The following NBAS variants were observed in gnomAD, a reference collection of about 807,000 sequenced individuals.
NBAS encodes the protein NBAS subunit of NRZ tethering complex, also known as NAG/BC035112 fusion.
A neutral mutation model predicts 302.5 loss-of-function variants in NBAS; 219 were observed. That is an observed-to-expected ratio of 0.72 (90% CI 0.65 to 0.81). The LOEUF is 0.81. Among genes scored for constraint, NBAS ranks in the 30% least tolerant of loss-of-function variants. The pLI, the probability that NBAS is intolerant of heterozygous loss-of-function variation, is 0.00. For synonymous variants in NBAS, 1,118 were observed against 1,021.6 expected, an observed-to-expected ratio of 1.09 and a Z score of -1.80; for missense variants, 2,932 against 2,841.6, an observed-to-expected ratio of 1.03 and a Z score of -0.72.
chr2:15,473,171 G>A (rs771626345), intron 16 of NBAS, 51 bp downstream of exon 16: 1 of 1,593,838 alleles, frequency 6.3e-7, no homozygotes, highest in East Asian at 2.2e-5. Flanking sequence ...ATAAACAAAA[G>A]ATATTACATG....
the NBAS span, among the ~76,000 whole-genome samples, chr2:14,957,174 T>C: frequency 1.3e-5 from 2 of 152,100 alleles, no homozygotes; most frequent in Non-Finnish European, 2.9e-5. Context: ...CACTTTGACC[T>C]CAGACTTCTC....
At chr2:14,986,679 T>A in the NBAS span, among the ~76,000 whole-genome samples, 12 of 152,308 alleles carry the variant, frequency 7.9e-5, no homozygotes, top group African/African-American at 2.9e-4. Flanking sequence ...GAAGTTTATT[T>A]ACTTGAACTT....
the NBAS span, among the ~76,000 whole-genome samples, chr2:14,797,325 C>T: frequency 1.1e-4 from 16 of 152,104 alleles, no homozygotes; most frequent in Admixed American, 7.9e-4. Context: ...TGCGACCTGC[C>T]GAATGATAGG....
At chr2:14,872,588 C>A in the NBAS span, among the ~76,000 whole-genome samples, 1 of 152,112 alleles carries the variant, frequency 6.6e-6, no homozygotes, top group East Asian at 1.9e-4. Flanking sequence ...TTCACGGTCT[C>A]GCTGACTTCA....
At chr2:15,159,614 G>A in the NBAS span, among the ~76,000 whole-genome samples, 5 of 151,796 alleles carry the variant, frequency 3.3e-5, no homozygotes, top group South Asian at 1.0e-3. Flanking sequence ...AAGGGCTGGG[G>A]GGAGGAAAGA....
chr2:15,448,115 A>C (rs1678837879), intron 21 of NBAS, among the ~76,000 whole-genome samples: 2 of 152,212 alleles, frequency 1.3e-5, no homozygotes, highest in Non-Finnish European at 2.9e-5. Context: ...ATTAAGAATA[A>C]AGTTTCAACA....
Position 15,398,396 on chromosome 2 carries a change from G to A in NBAS, c.3072-1921C>T, listed in dbSNP as rs140752159. ...TTCTCCCGCCTTGGCCTTCCAAAGTGCTGGGATTACAGGCATGAGTAACTG... is the reference window on the plus strand; with the variant it reads ...TTCTCCCGCCTTGGCCTTCCAAAGTACTGGGATTACAGGCATGAGTAACTG... On this transcript the variant is annotated intron_variant, in intron 26 of 51. Coordinates refer to ENST00000281513, the MANE Select transcript of NBAS (RefSeq NM_015909.4). Among the ~76,000 whole-genome samples the A allele has an allele frequency of 5.9e-5, 9 of 152,236 alleles. No individual in the cohort carries two copies. The East Asian group carries it at 1.7e-3, about 29-fold the overall frequency.
chr2:14,807,559 T>A, the NBAS span, among the ~76,000 whole-genome samples: 364 of 152,256 alleles, frequency 2.4e-3, no homozygotes, highest in African/African-American at 8.0e-3. Context: ...TTGTTTATCA[T>A]CACTATGAAA....
chr2:15,461,248 T>C lies in NBAS; in HGVS notation c.2292A>G (p.Pro764=), dbSNP rs1558360655. The change falls in exon 21 of 52, where the codon CCA becomes CCG. Residue 764 remains proline (P), a synonymous_variant. Transcript: ENST00000281513. ...PHRLAILSNF[P]ETTSPHEYSV... ...AATATTCATGTGGAGAAGTGGTCTC[T>C]GGAAAGTTGGACAGAATTGCAAGGC... 2.5e-6 allele frequency: 4 copies of C among 1,613,878 alleles called. No individual in the cohort carries two copies. The highest frequency in any genetic ancestry group is 2.2e-5 in the East Asian group (1 of 44,862).
At chr2:15,384,441 G>A (rs1158978886) in intron 28 of NBAS, among the ~76,000 whole-genome samples, 2 of 151,924 alleles carry the variant, frequency 1.3e-5, no homozygotes, top group African/African-American at 4.8e-5. Flanking sequence ...CCATGGATTT[G>A]AATAAATTTT....
At chr2:15,158,549 C>T in the NBAS span, among the ~76,000 whole-genome samples, 1 of 152,222 alleles carries the variant, frequency 6.6e-6, no homozygotes, top group Non-Finnish European at 1.5e-5. Context: ...GTTACCTGTT[C>T]TCTAAAGGGG....
chr2:14,828,961 T>C, the NBAS span, among the ~76,000 whole-genome samples: 4 of 152,174 alleles, frequency 2.6e-5, no homozygotes, highest in Non-Finnish European at 5.9e-5. Context: ...ATTGCTTTTG[T>C]GTGAATATGA....
intron 49 of NBAS, among the ~76,000 whole-genome samples, chr2:15,188,337 T>C (rs530386721): frequency 1.0e-3 from 159 of 152,364 alleles, no homozygotes; most frequent in African/African-American, 3.6e-3. Context: ...ATACCATCAT[T>C]GTCACACTAT....
At chr2:15,114,896 CA>C in the NBAS span, among the ~76,000 whole-genome samples, 1 of 152,114 alleles carries the variant, frequency 6.6e-6, no homozygotes, top group Non-Finnish European at 1.5e-5. Context: ...AAGATAAACA[CA>C]TTATGATAAA....
At chr2:15,042,780 C>A in the NBAS span, among the ~76,000 whole-genome samples, 1 of 152,216 alleles carries the variant, frequency 6.6e-6, no homozygotes, top group Non-Finnish European at 1.5e-5. Context: ...ATTCTGGAAT[C>A]TTCACACACC....
chr2:15,190,413 G>T lies in NBAS; in HGVS notation c.6433-10C>A. The T allele has an allele frequency of 6.2e-7, 1 of 1,613,726 alleles. No homozygotes were observed. The highest frequency in any genetic ancestry group is 8.5e-7 in the Non-Finnish European group (1 of 1,179,840). On this transcript the variant is annotated splice_polypyrimidine_tract_variant and intron_variant, in intron 48 of 51. Transcript: ENST00000281513. ...TGTCAGCTATGTCTACCTGGAAGAAGAAATACACACTTAAAGCTGGTGGCA... is the reference window on the plus strand; with the variant it reads ...TGTCAGCTATGTCTACCTGGAAGAATAAATACACACTTAAAGCTGGTGGCA...
chr2:15,381,034 C>A (rs1483738905), intron 29 of NBAS, among the ~76,000 whole-genome samples: 1 of 152,156 alleles, frequency 6.6e-6, no homozygotes, highest in Non-Finnish European at 1.5e-5. Context: ...CAACCCTAAT[C>A]ACTTATATCT....
At chr2:15,285,978 C>T (rs1670023499) in intron 42 of NBAS, among the ~76,000 whole-genome samples, 1 of 152,120 alleles carries the variant, frequency 6.6e-6, no homozygotes, top group Non-Finnish European at 1.5e-5. Context: ...CTTTTCCTCA[C>T]ACTTCCCCCA....
At chr2:15,009,842 C>T in the NBAS span, among the ~76,000 whole-genome samples, 2 of 151,906 alleles carry the variant, frequency 1.3e-5, no homozygotes, top group Non-Finnish European at 2.9e-5. Context: ...AATATCTCTA[C>T]ACATGCAGGA....
Sources: gnomAD v4.1 joint callset for allele counts (sites outside exome capture counted in the v4.1 genomes callset) on GRCh38, gnomAD v4.1.1 for gene constraint, MANE v1.5 for transcripts, NCBI Gene and HGNC (gene_info 2026-07-23, HGNC 2026-07-21) for gene names.